Variants in RHOT1 observed in about 807,000 individuals in gnomAD.
RHOT1 encodes the protein ras homolog family member T1, also known as mitochondrial Rho GTPase 1.
In RHOT1, 27 loss-of-function variants were observed where a neutral mutation model predicts 95.3. The ratio of observed to expected loss-of-function variants is 0.28; its 90% confidence interval spans 0.21 to 0.39. RHOT1 has a LOEUF of 0.39. Ranked by LOEUF, RHOT1 falls within the 10% of genes least tolerant of loss-of-function variation. RHOT1 has a pLI of 1.00. For missense variants in RHOT1, 578 were observed against 786.7 expected, an observed-to-expected ratio of 0.73 and a Z score of 3.17; for synonymous variants, 227 against 263.5, an observed-to-expected ratio of 0.86 and a Z score of 1.34.
In RHOT1 at chr17:32,142,552, G is replaced by C; in HGVS notation, c.-141G>C. 1 of 630,066 alleles carries C rather than the reference G, an allele frequency of 1.6e-6. No homozygotes were observed. Among genetic ancestry groups the C allele is most frequent in the Admixed American group, 4.1e-5 (1 of 24,194 alleles). The allele number at this position is 630,066 out of a possible 1,614,324, so 39.0% of individuals were successfully genotyped here. On this transcript the variant is annotated 5_prime_UTR_variant, in exon 1 of 20. Coordinates refer to ENST00000545287, the MANE Select transcript of RHOT1 (RefSeq NM_001033566.3). ...GAGCTGGCGCTGTCCCGGCTCTCTT[G>C]CGGGGAAGCAACTGAGGGGGCGGCG... is the stretch of plus-strand genomic sequence containing the variant.
chr17:32,161,461 C>T (rs1266899086), intron 1 of RHOT1, among the ~76,000 whole-genome samples: 5 of 152,236 alleles, frequency 3.3e-5, no homozygotes. Context: ...ACCTCCAGAA[C>T]AATGGTTGGT....
At chr17:32,160,714 C>T (rs531670381) in intron 1 of RHOT1, among the ~76,000 whole-genome samples, 1 of 152,318 alleles carries the variant, frequency 6.6e-6, no homozygotes, top group African/African-American at 2.4e-5. Context: ...CCCAAGCTGG[C>T]ATCTGGAGCT....
intron 14 of RHOT1, among the ~76,000 whole-genome samples, chr17:32,201,517 T>C (rs1030106908): frequency 6.6e-6 from 1 of 152,232 alleles, no homozygotes; most frequent in African/African-American, 2.4e-5. Flanking sequence ...GAGTTTCTTA[T>C]ATCCCTGTTG....
intron 6 of RHOT1, among the ~76,000 whole-genome samples, chr17:32,177,489 C>G (rs1051889291): frequency 3.9e-5 from 6 of 152,142 alleles, no homozygotes; most frequent in African/African-American, 1.4e-4. Context: ...GGTGCGGTGG[C>G]TCACGCCTGT....
chr17:32,181,270 G>A (rs1386740541), intron 6 of RHOT1, among the ~76,000 whole-genome samples: 1 of 152,128 alleles, frequency 6.6e-6, no homozygotes, highest in Non-Finnish European at 1.5e-5. Flanking sequence ...TTGTCTAAAA[G>A]AAAATCTTTA....
intron 1 of RHOT1, among the ~76,000 whole-genome samples, chr17:32,156,216 ATC>A (rs1167794782): frequency 2.0e-5 from 3 of 152,172 alleles, no homozygotes; most frequent in African/African-American, 7.2e-5. Flanking sequence ...CAGTTTGCAG[ATC>A]TCTCTGCCAT....
At position 32,150,814 on chromosome 17, in the gene RHOT1, T is replaced by C. The variant is rs952301104; in HGVS notation, c.37+8085T>C. 7.8e-6 allele frequency: 12 copies of C among 1,538,452 alleles called. No homozygotes were observed. In the South Asian group the frequency reaches 8.5e-5, roughly 11 times the overall value. On this transcript the variant is annotated intron_variant, in intron 1 of 19. Coordinates refer to ENST00000545287, the MANE Select transcript of RHOT1 (RefSeq NM_001033566.3). ...AGTGAAGGTAGAGTTCCATGCCCAA[T>C]TGGAAGGGTCTAAGAGCTGAGGTGG...
At chr17:32,207,202 C>T in intron 17 of RHOT1, 173 bp downstream of exon 17, 1 of 556,522 alleles carries the variant, frequency 1.8e-6, no homozygotes. Context: ...GTGGTAGAGT[C>T]TCAGACATAC....
chr17:32,171,677 G>A lies in RHOT1; in HGVS notation c.96+576G>A, dbSNP rs2034589181. On this transcript the variant is annotated intron_variant, in intron 2 of 19. Transcript: ENST00000545287. The stretch of plus-strand genomic sequence containing the variant: ...TGAGCATTCCGTGAGTTGAAGTTAA[G>A]GGGAAAGATGTGAATCCCTACTTGC... 2.0e-5 allele frequency among the ~76,000 whole-genome samples: 3 copies of A among 152,180 alleles called. No homozygotes were observed. In the South Asian group the frequency reaches 6.2e-4, roughly 31 times the overall value.
At position 32,207,854 on chromosome 17, in the gene RHOT1, G is replaced by GT. The variant is rs769166272; in HGVS notation, c.1537-245dup. Among the ~76,000 whole-genome samples the GT allele has an allele frequency of 1.6e-4, 25 of 151,906 alleles. 1 individual carries two copies. The highest frequency in any genetic ancestry group is 5.3e-4 in the African/African-American group (22 of 41,442). On this transcript the variant is annotated intron_variant, in intron 17 of 19. Coordinates refer to ENST00000545287, the MANE Select transcript of RHOT1 (RefSeq NM_001033566.3). ...GTTTAATGTGTGTTTTTAATTACAT[G>GT]TTTTTTTTAATTGTAATAAATCTAA...
chr17:32,219,259 A>C (rs2038676525), intron 19 of RHOT1, among the ~76,000 whole-genome samples: 1 of 152,088 alleles, frequency 6.6e-6, no homozygotes, highest in Non-Finnish European at 1.5e-5. Flanking sequence ...CCTCTGCATA[A>C]TAGCTTACAG....
intron 6 of RHOT1, chr17:32,179,893 G>A (rs1423570158): frequency 1.3e-4 from 17 of 133,948 alleles, no homozygotes; most frequent in African/African-American, 4.3e-4. Flanking sequence ...GCCTCTGCCC[G>A]GCCACCCCAT....
chr17:32,143,104 C>A (rs2030665281), intron 1 of RHOT1: 1 of 584,826 alleles, frequency 1.7e-6, no homozygotes, highest in Non-Finnish European at 3.3e-6. Context: ...CAGGCCGCCT[C>A]CTTTCAGACC....
At chr17:32,156,015 G>T (rs1293926258) in intron 1 of RHOT1, among the ~76,000 whole-genome samples, 1 of 152,172 alleles carries the variant, frequency 6.6e-6, no homozygotes, top group Non-Finnish European at 1.5e-5. Context: ...GAAGGTTTGG[G>T]ATTGCTGGAA....
chr17:32,217,522 C>T (rs189145496), intron 19 of RHOT1, among the ~76,000 whole-genome samples: 1,525 of 151,872 alleles, frequency 0.01, 29 homozygotes, highest in African/African-American at 0.035. Flanking sequence ...TTTGGGAGGC[C>T]GAGGAGGGCA....
intron 10 of RHOT1, 99 bp downstream of exon 10, chr17:32,193,343 G>GT (rs1475029318): frequency 1.3e-6 from 1 of 759,764 alleles, no homozygotes; most frequent in African/African-American, 1.8e-5. Context: ...TTAAGGAAAT[G>GT]TTAATATTTA....
intron 8 of RHOT1, among the ~76,000 whole-genome samples, chr17:32,188,338 C>T (rs1216862571): frequency 6.6e-6 from 1 of 152,218 alleles, no homozygotes; most frequent in East Asian, 1.9e-4. Flanking sequence ...CTTAACTATG[C>T]AATTGAGTTT....
In RHOT1 at chr17:32,202,854, G is replaced by A; in HGVS notation, c.1286G>A (p.Cys429Tyr). 6.2e-7 allele frequency: 1 copy of A among 1,613,400 alleles called. No individual in the cohort carries two copies. The highest frequency in any genetic ancestry group is 8.5e-7 in the Non-Finnish European group (1 of 1,179,672). ...TGTAATGTAATTGGAGTGAAAAACT[G>A]TGGGAAAAGTGGAGTTCTTCAGGCT... ...FRCNVIGVKN[C>Y]GKSGVLQALL... is the part of the protein sequence containing the mutation. The change falls in exon 15 of 20, where the codon TGT (cysteine) becomes TAT (tyrosine). Residue 429 changes from cysteine (C) to tyrosine (Y), a missense_variant. Around this residue, in one of 4 missense-constraint regions of RHOT1, gnomAD observed 296 missense variants for 338.5 expected, o/e 0.87. Transcript: ENST00000545287.
intron 1 of RHOT1, chr17:32,160,119 C>G (rs1438986955): frequency 6.6e-6 from 1 of 152,410 alleles, no homozygotes; most frequent in East Asian, 1.9e-4. Flanking sequence ...ACAGGATGAT[C>G]TGCCTGCAGA....
Sources: allele counts gnomAD v4.1 joint callset (sites outside exome capture counted in the v4.1 genomes callset), GRCh38; gene constraint gnomAD v4.1.1; regional missense constraint gnomAD v4.1.1; transcripts MANE v1.5; gene names NCBI Gene and HGNC (gene_info 2026-07-23, HGNC 2026-07-21).